RERE: variants seen among roughly 807,000 people sequenced by gnomAD.
The protein encoded by RERE is arginine-glutamic acid dipeptide repeats protein.
A neutral mutation model predicts 146.1 loss-of-function variants in RERE; 40 were observed. That is an observed-to-expected ratio of 0.27 (90% CI 0.21 to 0.36). The LOEUF (loss-of-function observed/expected upper bound fraction) is 0.36, where lower values mean the gene tolerates loss of function less well. Ranked by LOEUF, RERE falls within the 10% of genes least tolerant of loss-of-function variation. The probability of loss-of-function intolerance (pLI) is 1.00; values close to 1 mark genes in which losing one functional copy is unlikely to be tolerated. For missense variants in RERE, 1,933 were observed against 2,138.7 expected (o/e 0.90, Z 1.90); for synonymous variants, 1,003 against 866.0 (o/e 1.16, Z -2.78).
At chr1:8,817,006 C>A (rs1641925655) in intron 1 of RERE, among the ~76,000 whole-genome samples, 154 bp downstream of exon 1, 1 of 152,202 alleles carries the variant, frequency 6.6e-6, no homozygotes, top group East Asian at 1.9e-4. Context: ...CCTGCCCTCG[C>A]CCGACTCCCC....
chr1:8,409,647 A>G (rs2124454071), intron 12 of RERE, among the ~76,000 whole-genome samples: 1 of 152,314 alleles, frequency 6.6e-6, no homozygotes, highest in East Asian at 1.9e-4. Flanking sequence ...CTTTCAACAG[A>G]TGATTTGAAA....
At chr1:8,443,459 G>GAAAAAAAAAAAAAAAAA (rs144499944) in intron 11 of RERE, among the ~76,000 whole-genome samples, 1 of 112,778 alleles carries the variant, frequency 8.9e-6, no homozygotes, top group Non-Finnish European at 1.7e-5. Flanking sequence ...CTCAAAAAAA[G>GAAAAAAAAAAAAAAAAA]AAAAAAAAAA....
At chr1:8,501,881 C>G (rs1413252014) in intron 8 of RERE, among the ~76,000 whole-genome samples, 164 of 25,682 alleles carry the variant, frequency 6.4e-3, no homozygotes, top group South Asian at 7.5e-3. Flanking sequence ...GTCCGGGAGG[C>G]AGGTGGGGGG....
chr1:8,508,714 A>G, intron 7 of RERE, 39 bp from the exon 8 acceptor site: 1 of 1,503,262 alleles, frequency 6.7e-7, no homozygotes, highest in Non-Finnish European at 9.1e-7. Context: ...AGCGCAATAC[A>G]GTTTTGACAT....
intron 1 of RERE, among the ~76,000 whole-genome samples, chr1:8,754,925 A>G (rs1640607368): frequency 6.6e-6 from 1 of 152,272 alleles, no homozygotes; most frequent in Admixed American, 6.5e-5. Context: ...CCCTCTTTCT[A>G]GAATTCAAGC....
At chr1:8,720,877 G>A (rs576112484) in intron 1 of RERE, among the ~76,000 whole-genome samples, 2 of 152,230 alleles carry the variant, frequency 1.3e-5, no homozygotes, top group Non-Finnish European at 2.9e-5. Context: ...CCAACACGGT[G>A]CAACCCCGTC....
rs761742848 is a variant in RERE, at chr1:8,361,381, C to A, written c.2126G>T (p.Arg709Leu). The change falls in exon 18 of 23, where the codon CGC becomes CTC. Residue 709 changes from arginine (R) to leucine (L), a missense_variant. This residue lies in a region of RERE where 1,255 missense variants were observed against 1,153.8 expected (regional missense o/e 1.09). Coordinates refer to ENST00000400908, the MANE Select transcript of RERE (RefSeq NM_001042681.2). ...GCTGGGGATGCTCGGGGACGTGCTG[C>A]GATTGTCCTGGTCGATGTCTTTGGG... ...SDPKDIDQDN[R>L]STSPSIPSPQ... 6.2e-7 allele frequency: 1 copy of A among 1,613,762 alleles called. No individual in the cohort carries two copies. The highest frequency in any genetic ancestry group is 8.5e-7 in the Non-Finnish European group (1 of 1,179,828).
intron 1 of RERE, among the ~76,000 whole-genome samples, chr1:8,774,345 C>CAAT (rs1641015041): frequency 9.7e-6 from 1 of 103,512 alleles, no homozygotes; most frequent in Non-Finnish European, 2.1e-5. Flanking sequence ...TTTTGGCAAA[C>CAAT]TATTTTTTTT....
chr1:8,487,962 G>T (rs894825619), intron 10 of RERE, among the ~76,000 whole-genome samples: 1 of 151,926 alleles, frequency 6.6e-6, no homozygotes, highest in South Asian at 2.1e-4. Flanking sequence ...AAAAGAAAGC[G>T]GGGCATGGTG....
At chr1:8,692,355 T>TTC (rs1639225212) in intron 1 of RERE, among the ~76,000 whole-genome samples, 1 of 145,714 alleles carries the variant, frequency 6.9e-6, no homozygotes, top group Non-Finnish European at 1.5e-5. Flanking sequence ...TTTTTTTTTT[T>TTC]CTTTTTTTTT....
intron 1 of RERE, among the ~76,000 whole-genome samples, chr1:8,672,518 T>A (rs553242599): frequency 1.3e-5 from 2 of 152,234 alleles, no homozygotes; most frequent in Admixed American, 1.3e-4. Flanking sequence ...TTCTGGCTAA[T>A]GACAGGGAAG....
chr1:8,647,473 A>G (rs1483244038), intron 2 of RERE, among the ~76,000 whole-genome samples: 1 of 152,230 alleles, frequency 6.6e-6, no homozygotes, highest in Non-Finnish European at 1.5e-5. Context: ...GCTATGTTAC[A>G]CAAAAATATT....
chr1:8,406,955 C>T (rs1026054094), intron 12 of RERE, among the ~76,000 whole-genome samples: 2 of 152,186 alleles, frequency 1.3e-5, no homozygotes, highest in Non-Finnish European at 2.9e-5. Flanking sequence ...CACAACAAAA[C>T]ACCCGACACC....
intron 12 of RERE, among the ~76,000 whole-genome samples, chr1:8,406,795 C>T (rs1345601694): frequency 1.2e-5 from 1 of 80,754 alleles, no homozygotes; most frequent in Non-Finnish European, 2.6e-5. Flanking sequence ...CCATTTAGTC[C>T]AGTGAGGATC....
At chr1:8,672,801 G>GC (rs1300123036) in intron 1 of RERE, among the ~76,000 whole-genome samples, 1 of 151,938 alleles carries the variant, frequency 6.6e-6, no homozygotes, top group Non-Finnish European at 1.5e-5. Context: ...TGCAGCAACA[G>GC]CAACAACAAA....
chr1:8,791,896 C>T (rs951616946), intron 1 of RERE, among the ~76,000 whole-genome samples: 10 of 152,110 alleles, frequency 6.6e-5, no homozygotes, highest in Non-Finnish European at 1.3e-4. Context: ...ACCATCATCT[C>T]CCAGAATTTA....
chr1:8,358,221 G>T lies in RERE; in HGVS notation c.4314C>A (p.Leu1438=), dbSNP rs2124358993. ...QHSHIHSHLH[L]HQQDPLHQGS... The stretch of plus-strand genomic sequence containing the variant: ...CTTGGTGGAGGGGGTCCTGCTGGTG[G>T]AGGTGGAGGTGGGAGTGAATGTGAG... Residue 1438 remains leucine (L), a synonymous_variant, in exon 20 of 23, where the codon CTC becomes CTA. Coordinates refer to ENST00000400908, the MANE Select transcript of RERE (RefSeq NM_001042681.2). 6.3e-7 allele frequency: 1 copy of T among 1,596,468 alleles called. No individual in the cohort carries two copies.
In RERE at chr1:8,750,623, A is replaced by G. The variant is rs1640513640; in HGVS notation, c.-145+66537T>C. On this transcript the variant is annotated intron_variant, in intron 1 of 22. Transcript: ENST00000400908. ...TCACAAGGAATATAGGCAGATGTAC[A>G]GAACTGAAATTCGAATGGCAAGGAT... 7 of 976,096 alleles carry G rather than the reference A, an allele frequency of 7.2e-6. No homozygotes were observed. The South Asian group carries it at 7.7e-5, about 11-fold the overall frequency. 60.5% of individuals were successfully genotyped at this position (976,096 alleles called of 1,614,324 possible). A position where few individuals can be genotyped will look rare whatever the true frequency, so the allele number is the denominator to read the frequency against.
chr1:8,618,894 G>A (rs1646886452), intron 3 of RERE, among the ~76,000 whole-genome samples: 1 of 152,184 alleles, frequency 6.6e-6, no homozygotes, highest in Non-Finnish European at 1.5e-5. Flanking sequence ...TGGAACCTAA[G>A]ATGAAGTTAA....
Sources: gnomAD v4.1 joint callset for allele counts (sites outside exome capture counted in the v4.1 genomes callset) on GRCh38, gnomAD v4.1.1 for gene constraint, gnomAD v4.1.1 regional missense constraint, MANE v1.5 for transcripts, NCBI Gene and HGNC (gene_info 2026-07-23, HGNC 2026-07-21) for gene names.